ARHGAP39: variants seen among roughly 807,000 people sequenced by gnomAD.
The protein encoded by ARHGAP39 is Rho GTPase activating protein 39, also known as rho GTPase-activating protein 39.
Under a neutral mutation model 106.9 loss-of-function variants are expected in ARHGAP39, and 44 were observed. That is an observed-to-expected ratio of 0.41 (90% CI 0.32 to 0.53). The LOEUF is 0.53. Among genes scored for constraint, ARHGAP39 ranks in the 20% least tolerant of loss-of-function variants. ARHGAP39 has a pLI of 0.21. For synonymous variants in ARHGAP39, 768 were observed against 693.2 expected (o/e 1.11, Z -1.69); for missense variants, 1,496 against 1,577.3 (o/e 0.95, Z 0.87).
At chr8:144,534,341 C>T (rs1038545503) in intron 7 of ARHGAP39, 139 bp from the exon 8 acceptor site, 30 of 823,082 alleles carry the variant, frequency 3.6e-5, no homozygotes, top group Middle Eastern at 2.3e-4. Flanking sequence ...CCCAGCACAG[C>T]GGGTCCTCAC....
chr8:144,611,099 G>A (rs920840022), intron 1 of ARHGAP39, among the ~76,000 whole-genome samples: 1 of 152,180 alleles, frequency 6.6e-6, no homozygotes, highest in African/African-American at 2.4e-5. Flanking sequence ...GATTACAGGC[G>A]TGAGCCATCA....
rs866474684 is a variant in ARHGAP39 at position 144,580,718 on chromosome 8, T to G, written c.512+128A>C. On this transcript the variant is annotated intron_variant, in intron 3 of 11. Transcript: ENST00000377307. ...CACCATACCCGACCTACTCCTAACC[T>G]GGCCCCGCCCACCACCTTCACCAGT... 3 of 1,094,968 alleles carry G rather than the reference T, an allele frequency of 2.7e-6. No homozygotes were observed. In the African/African-American group the frequency reaches 5.8e-5, roughly 21 times the overall value. The allele number at this position is 1,094,968 out of a possible 1,614,324, so 67.8% of individuals were successfully genotyped here. A position where few individuals can be genotyped will look rare whatever the true frequency, so the allele number is the denominator to read the frequency against.
chr8:144,674,943 C>T (rs576543365), intron 1 of ARHGAP39, among the ~76,000 whole-genome samples: 6 of 152,308 alleles, frequency 3.9e-5, no homozygotes, highest in African/African-American at 1.2e-4. Flanking sequence ...CGGGAGGAGG[C>T]TGGCCTGCTT....
In ARHGAP39 at chr8:144,585,389, C is replaced by T. The variant is rs541277343; in HGVS notation, c.81-4112G>A. Among the ~76,000 whole-genome samples, 4 of 147,760 alleles carry T rather than the reference C, an allele frequency of 2.7e-5. No homozygotes were observed. The highest frequency in any genetic ancestry group is 2.0e-4 in the Admixed American group (3 of 14,938). ...GGGGCCAGCCAAGGGTTCCCAGCAC[C>T]GGCTCACCGAGAACCTGGAGGGGCC... On this transcript the variant is annotated intron_variant, in intron 2 of 11. Coordinates refer to ENST00000377307, the MANE Select transcript of ARHGAP39 (RefSeq NM_025251.3). This position sits in a 1 kb window ranked among gnomAD's most constrained non-coding sequence, Gnocchi z 4.6.
At chr8:144,693,665 G>A in the ARHGAP39 span, among the ~76,000 whole-genome samples, 1 of 152,146 alleles carries the variant, frequency 6.6e-6, no homozygotes, top group African/African-American at 2.4e-5. Flanking sequence ...GAGCCACCGC[G>A]CCCAGCCGCC....
intron 2 of ARHGAP39, among the ~76,000 whole-genome samples, chr8:144,598,139 C>T (rs781320851): frequency 2.0e-5 from 3 of 152,178 alleles, no homozygotes; most frequent in East Asian, 1.9e-4. Context: ...GGCATGGCCT[C>T]GAAGGCTGGA....
At chr8:144,692,102 G>T in the ARHGAP39 span, among the ~76,000 whole-genome samples, 34 of 152,076 alleles carry the variant, frequency 2.2e-4, no homozygotes, top group Admixed American at 2.2e-3. Flanking sequence ...AAAGGGCCTG[G>T]AAAGGGCTGG....
chr8:144,545,165 C>T, intron 6 of ARHGAP39, 84 bp downstream of exon 6: 1 of 1,305,710 alleles, frequency 7.7e-7, no homozygotes, highest in Non-Finnish European at 1.0e-6. Context: ...CCGCCAGGGA[C>T]TTCACCAGCT....
At chr8:144,686,698 T>G (rs1822598413), upstream of ARHGAP39, among the ~76,000 whole-genome samples, 1 of 152,230 alleles carries the variant, frequency 6.6e-6, no homozygotes, top group South Asian at 2.1e-4. Flanking sequence ...CGCTTCCCTG[T>G]TGGGCCGTCG....
chr8:144,603,112 C>T (rs529386709), intron 2 of ARHGAP39, among the ~76,000 whole-genome samples: 192 of 108,908 alleles, frequency 1.8e-3, no homozygotes, highest in Middle Eastern at 9.8e-3. Context: ...TATCTGTGTG[C>T]GTGGAGGCGT....
chr8:144,556,427 G>A (rs890129191), intron 3 of ARHGAP39, among the ~76,000 whole-genome samples: 4 of 152,100 alleles, frequency 2.6e-5, no homozygotes, highest in Non-Finnish European at 5.9e-5. Context: ...TGATCAAACC[G>A]ATAAGTATTT....
chr8:144,546,122 G>A (rs964690809), intron 5 of ARHGAP39, among the ~76,000 whole-genome samples: 17 of 152,192 alleles, frequency 1.1e-4, no homozygotes, highest in Admixed American at 2.0e-4. Flanking sequence ...ACCCCCAGGG[G>A]GCTGACCTCA....
chr8:144,675,870 G>A (rs1359747464), intron 1 of ARHGAP39, among the ~76,000 whole-genome samples: 1 of 151,894 alleles, frequency 6.6e-6, no homozygotes, highest in Non-Finnish European at 1.5e-5. Flanking sequence ...CGGTGGGTTC[G>A]TGGTCTTCCT....
At chr8:144,682,423 C>G (rs992047610) in intron 1 of ARHGAP39, among the ~76,000 whole-genome samples, 2 of 149,290 alleles carry the variant, frequency 1.3e-5, no homozygotes, top group Non-Finnish European at 3.0e-5. Flanking sequence ...GTGGCAGGTG[C>G]CTGTAGTCCC....
At chr8:144,665,019 T>C (rs577420385) in intron 1 of ARHGAP39, among the ~76,000 whole-genome samples, 75 of 152,336 alleles carry the variant, frequency 4.9e-4, no homozygotes, top group African/African-American at 1.8e-3. Context: ...TAGAGACTTG[T>C]TGAACGGTTG....
At chr8:144,544,452 G>A (rs574476967) in intron 6 of ARHGAP39, among the ~76,000 whole-genome samples, 1 of 152,398 alleles carries the variant, frequency 6.6e-6, no homozygotes, top group African/African-American at 2.4e-5. Flanking sequence ...TCTATGGCAT[G>A]TCTGACCTGG....
In ARHGAP39 at chr8:144,602,991, A is replaced by G. The variant is rs555465703; in HGVS notation, c.80+2544T>C. 4.8e-3 allele frequency among the ~76,000 whole-genome samples: 393 copies of G among 81,702 alleles called. 4 individuals are homozygous for G. The highest frequency in any genetic ancestry group is 9.4e-3 in the African/African-American group (174 of 18,594). The allele number at this position is 81,702 out of a possible 152,430, so 53.6% of individuals were successfully genotyped here. A position where few individuals can be genotyped will look rare whatever the true frequency, so the allele number is the denominator to read the frequency against. ...CGTGCGAGCTCGTGTACCTGTGTGC[A>G]TGTGCGTGGAGGTGTGTGTGCGAGC... is the stretch of plus-strand genomic sequence containing the variant. On this transcript the variant is annotated intron_variant, in intron 2 of 11. Coordinates refer to ENST00000377307, the MANE Select transcript of ARHGAP39 (RefSeq NM_025251.3).
At chr8:144,668,084 C>A (rs1452465139) in intron 1 of ARHGAP39, among the ~76,000 whole-genome samples, 1 of 151,668 alleles carries the variant, frequency 6.6e-6, no homozygotes, top group South Asian at 2.1e-4. Flanking sequence ...CCCCTAAAAA[C>A]TGGCACACTA....
intron 9 of ARHGAP39, among the ~76,000 whole-genome samples, 161 bp from the exon 10 acceptor site, chr8:144,532,557 T>C (rs1816773435): frequency 6.6e-6 from 1 of 152,128 alleles, no homozygotes; most frequent in Non-Finnish European, 1.5e-5. Context: ...CGAACGTGGG[T>C]GGGTGGCGCT....
Sources: gnomAD v4.1 joint callset for allele counts (sites outside exome capture counted in the v4.1 genomes callset) on GRCh38, gnomAD v4.1.1 for gene constraint, Gnocchi (gnomAD v3.1) non-coding constraint, MANE v1.5 for transcripts, NCBI Gene and HGNC (gene_info 2026-07-23, HGNC 2026-07-21) for gene names.